Variants in TMEM132B observed in about 807,000 individuals in gnomAD.
TMEM132B encodes transmembrane protein 132B.
Under a neutral mutation model 90.8 loss-of-function variants are expected in TMEM132B, and 18 were observed. The ratio of observed to expected loss-of-function variants is 0.20; its 90% CI spans 0.14 to 0.29. TMEM132B has a LOEUF of 0.29. Ranked by LOEUF, TMEM132B falls within the 10% of genes least tolerant of loss-of-function variation. The pLI, the probability that TMEM132B is intolerant of heterozygous loss-of-function variation, is 1.00. For missense variants in TMEM132B, 1,096 were observed against 1,326.8 expected (o/e 0.83, Z 2.70); for synonymous variants, 504 against 523.3 (o/e 0.96, Z 0.50).
chr12:125,241,287 C>T (rs1000002107), intron 1 of TMEM132B, among the ~76,000 whole-genome samples: 1 of 152,080 alleles, frequency 6.6e-6, no homozygotes, highest in Non-Finnish European at 1.5e-5. Context: ...AATGATATTT[C>T]GAGATCTGAA....
At chr12:125,553,227 C>T (rs1052132177) in intron 4 of TMEM132B, among the ~76,000 whole-genome samples, 1 of 152,174 alleles carries the variant, frequency 6.6e-6, no homozygotes, top group Admixed American at 6.5e-5. Flanking sequence ...TGTACTATTT[C>T]CTGCAGTGGC....
intron 1 of TMEM132B, among the ~76,000 whole-genome samples, chr12:125,337,848 G>A (rs1364786348): frequency 6.6e-6 from 1 of 152,168 alleles, no homozygotes; most frequent in Non-Finnish European, 1.5e-5. Context: ...TTGAAAGAAT[G>A]GCCATAGTCT....
intron 5 of TMEM132B, among the ~76,000 whole-genome samples, chr12:125,609,816 C>CAA (rs763840695): frequency 0.017 from 683 of 39,426 alleles, 81 homozygotes; most frequent in African/African-American, 0.05. Context: ...GACTCTGTCT[C>CAA]AAAAAAAAAA....
chr12:125,467,893 T>C (rs79415925), intron 3 of TMEM132B, among the ~76,000 whole-genome samples: 140 of 152,352 alleles, frequency 9.2e-4, no homozygotes, highest in African/African-American at 3.2e-3. Context: ...TTGCTTAGCA[T>C]AATATTTTCA....
chr12:125,247,252 T>C lies in TMEM132B; in HGVS notation c.67+60386T>C, dbSNP rs188815416. ...TTCTTACTTGTATGAGACACAAATA[T>C]CACATCCCATCTTCAGGCTGAAAAA... On this transcript the variant is annotated intron_variant, in intron 1 of 8. Coordinates refer to ENST00000682704, the MANE Select transcript of TMEM132B (RefSeq NM_001366854.1). Among the ~76,000 whole-genome samples the C allele has an allele frequency of 3.4e-3, 516 of 152,310 alleles. 3 individuals carry two copies. The highest frequency in any genetic ancestry group is 0.012 in the African/African-American group (496 of 41,564).
intron 1 of TMEM132B, among the ~76,000 whole-genome samples, chr12:125,288,318 C>G (rs1342328400): frequency 1.3e-5 from 2 of 151,752 alleles, no homozygotes; most frequent in African/African-American, 2.4e-5. Flanking sequence ...CAAAAATTAG[C>G]CGGGTGTGGT....
intron 1 of TMEM132B, among the ~76,000 whole-genome samples, chr12:125,243,036 C>T (rs200370892): frequency 0.51 from 60,677 of 119,018 alleles, 15,133 homozygotes; most frequent in Middle Eastern, 0.62. Context: ...TATATATACA[C>T]ACACACACAC....
chr12:125,377,391 G>A (rs921278672), intron 2 of TMEM132B, among the ~76,000 whole-genome samples: 2 of 152,208 alleles, frequency 1.3e-5, no homozygotes, highest in African/African-American at 4.8e-5. Flanking sequence ...AGGTGGAGGT[G>A]AAGTAGAGGT....
intron 5 of TMEM132B, among the ~76,000 whole-genome samples, chr12:125,609,160 T>C (rs1398594941): frequency 6.6e-6 from 1 of 152,136 alleles, no homozygotes; most frequent in Non-Finnish European, 1.5e-5. Flanking sequence ...TTCCACTTGG[T>C]CCCGCCCTTG....
At chr12:125,451,685 G>A (rs1463767364) in intron 3 of TMEM132B, among the ~76,000 whole-genome samples, 2 of 151,268 alleles carry the variant, frequency 1.3e-5, no homozygotes, top group Non-Finnish European at 2.9e-5. Flanking sequence ...CCTCATGTGT[G>A]TAGGTATTTT....
chr12:125,231,796 A>C (rs1217807622), intron 1 of TMEM132B, among the ~76,000 whole-genome samples: 1 of 152,118 alleles, frequency 6.6e-6, no homozygotes. Context: ...CAATCTTTGT[A>C]CCGATCCCTA....
At chr12:125,372,158 C>T (rs1000434715) in intron 2 of TMEM132B, among the ~76,000 whole-genome samples, 1 of 152,184 alleles carries the variant, frequency 6.6e-6, no homozygotes, top group African/African-American at 2.4e-5. Context: ...TTTATTCAAA[C>T]TTGGAATCTA....
intron 4 of TMEM132B, among the ~76,000 whole-genome samples, chr12:125,573,747 C>T (rs888701897): frequency 3.3e-5 from 5 of 152,146 alleles, no homozygotes; most frequent in African/African-American, 1.2e-4. Flanking sequence ...GTTCTTAGAG[C>T]TTCTGATTCA....
At chr12:125,187,564 G>C (rs973893114) in intron 1 of TMEM132B, among the ~76,000 whole-genome samples, 1 of 152,252 alleles carries the variant, frequency 6.6e-6, no homozygotes, top group Admixed American at 6.5e-5. Context: ...AGCCTGGAAC[G>C]CGGTGCTGTC....
chr12:125,360,270 C>A (rs899826526), intron 2 of TMEM132B, among the ~76,000 whole-genome samples: 1 of 152,132 alleles, frequency 6.6e-6, no homozygotes, highest in Non-Finnish European at 1.5e-5. Flanking sequence ...CTCTTACACC[C>A]CAAACCTTGA....
chr12:125,362,269 GAACAAGGC>G (rs1249765604), intron 2 of TMEM132B, among the ~76,000 whole-genome samples: 3 of 152,160 alleles, frequency 2.0e-5, no homozygotes, highest in African/African-American at 7.2e-5. Context: ...CATGCTTGCA[GAACAAGGC>G]TCTATCACAC....
chr12:125,426,145 T>G (rs1880314236), intron 3 of TMEM132B, among the ~76,000 whole-genome samples: 1 of 152,236 alleles, frequency 6.6e-6, no homozygotes. Context: ...GCCATTCTAA[T>G]AGTTGTGTAG....
At position 125,599,729 on chromosome 12, in the gene TMEM132B, G is replaced by A. The variant is rs545920879; in HGVS notation, c.1437+15735G>A. ...GAATGTGTTCTCAAACTTAACCATTGAGTCTGGGAAATCTGGAAAAAGAGA... is the reference window on the plus strand; with the variant it reads ...GAATGTGTTCTCAAACTTAACCATTAAGTCTGGGAAATCTGGAAAAAGAGA... On this transcript the variant is annotated intron_variant, in intron 5 of 8. Coordinates refer to ENST00000682704, the MANE Select transcript of TMEM132B (RefSeq NM_001366854.1). 2.2e-4 allele frequency among the ~76,000 whole-genome samples: 33 copies of A among 152,284 alleles called. No homozygotes were observed. The South Asian group carries it at 5.0e-3, about 23-fold the overall frequency.
chr12:125,408,786 T>C lies in TMEM132B; in HGVS notation c.960-6745T>C, dbSNP rs1226924840. Among the ~76,000 whole-genome samples, 1 of 151,598 alleles carries C rather than the reference T, an allele frequency of 6.6e-6. No individual in the cohort carries two copies. The highest frequency in any genetic ancestry group is 1.5e-5 in the Non-Finnish European group (1 of 67,896). ...TACGGAAATTCAGGCTTTGTAGTTA[T>C]CACCAAATAGCTTTCCAAAGAGGTT... On this transcript the variant is annotated intron_variant, in intron 2 of 8. Transcript: ENST00000682704. This position sits in a 1 kb window ranked among gnomAD's most constrained non-coding sequence, Gnocchi z 5.9.
Sources: allele counts gnomAD v4.1 joint callset (sites outside exome capture counted in the v4.1 genomes callset), GRCh38; gene constraint gnomAD v4.1.1; non-coding constraint Gnocchi (gnomAD v3.1); transcripts MANE v1.5; gene names NCBI Gene and HGNC (gene_info 2026-07-23, HGNC 2026-07-21).